ROBO2: variants seen among roughly 807,000 people sequenced by gnomAD.
The protein encoded by ROBO2 is roundabout homolog 2.
A neutral mutation model predicts 160.8 loss-of-function variants in ROBO2; 53 were observed. The observed-to-expected ratio is 0.33, with a 90% CI of 0.26 to 0.41. ROBO2 has a LOEUF of 0.41. ROBO2 is among the 10% of genes least tolerant of loss of function. ROBO2 has a pLI of 1.00. For missense variants in ROBO2, 1,577 were observed against 1,722.4 expected, an observed-to-expected ratio of 0.92 and a Z score of 1.49; for synonymous variants, 664 against 611.7, an observed-to-expected ratio of 1.09 and a Z score of -1.26.
chr3:76,938,014 A>T (rs1456706211), intron 2 of ROBO2, among the ~76,000 whole-genome samples: 1 of 152,196 alleles, frequency 6.6e-6, no homozygotes, highest in African/African-American at 2.4e-5. Context: ...TGGAAATATC[A>T]TGGAACTCAT....
intron 2 of ROBO2, among the ~76,000 whole-genome samples, chr3:76,108,355 A>G (rs538175621): frequency 2.6e-5 from 4 of 152,188 alleles, no homozygotes; most frequent in Admixed American, 2.6e-4. Flanking sequence ...TGGAATTCAA[A>G]TCTCACCAAT....
At chr3:77,539,830 G>A (rs1305301659) in intron 6 of ROBO2, among the ~76,000 whole-genome samples, 2 of 152,172 alleles carry the variant, frequency 1.3e-5, no homozygotes, top group Non-Finnish European at 2.9e-5. Flanking sequence ...AAATTGGAAA[G>A]AACACAAGAC....
intron 2 of ROBO2, among the ~76,000 whole-genome samples, chr3:76,552,417 A>G (rs1344118206): frequency 2.6e-5 from 4 of 152,214 alleles, no homozygotes; most frequent in Admixed American, 1.3e-4. Flanking sequence ...ATACACATGG[A>G]ATAATTCACA....
chr3:76,887,194 A>ATTTTTTTTTT, intron 2 of ROBO2, among the ~76,000 whole-genome samples: 1 of 76,568 alleles, frequency 1.3e-5, no homozygotes, highest in Non-Finnish European at 2.3e-5. Flanking sequence ...TTCAGGAAGC[A>ATTTTTTTTTT]TTTTTTTTTT....
intron 2 of ROBO2, among the ~76,000 whole-genome samples, chr3:76,033,019 A>G (rs2066977858): frequency 6.6e-6 from 1 of 152,186 alleles, no homozygotes; most frequent in African/African-American, 2.4e-5. Flanking sequence ...GACAGAAATA[A>G]GAGAAACCCA....
intron 2 of ROBO2, among the ~76,000 whole-genome samples, chr3:76,975,109 A>G (rs374549029): frequency 1.4e-4 from 21 of 152,302 alleles, no homozygotes; most frequent in African/African-American, 5.1e-4. Context: ...TGGAAAATAC[A>G]TCGTGCTTTA....
At chr3:76,135,604 A>G (rs539648331) in intron 2 of ROBO2, among the ~76,000 whole-genome samples, 6 of 152,248 alleles carry the variant, frequency 3.9e-5, no homozygotes, top group Middle Eastern at 3.4e-3. Flanking sequence ...CCCTAGAGGA[A>G]TCGGCCCATG....
chr3:76,535,040 T>C (rs2082419338), intron 2 of ROBO2, among the ~76,000 whole-genome samples: 1 of 151,632 alleles, frequency 6.6e-6, no homozygotes, highest in Admixed American at 6.6e-5. Context: ...TCTGGGTGAG[T>C]TGCTGGGACT....
At chr3:77,188,925 T>G (rs2081534624) in intron 2 of ROBO2, among the ~76,000 whole-genome samples, 1 of 143,510 alleles carries the variant, frequency 7.0e-6, no homozygotes, top group Non-Finnish European at 1.6e-5. Flanking sequence ...ATTTGAAACT[T>G]GAAGCCAGAT....
intron 2 of ROBO2, among the ~76,000 whole-genome samples, chr3:77,302,075 G>A (rs951388808): frequency 6.6e-6 from 1 of 151,344 alleles, no homozygotes; most frequent in African/African-American, 2.4e-5. Flanking sequence ...ACTAACTAAA[G>A]AACTTTTTTT....
chr3:76,093,875 A>G (rs1004964912), intron 2 of ROBO2, among the ~76,000 whole-genome samples: 1 of 152,168 alleles, frequency 6.6e-6, no homozygotes, highest in Admixed American at 6.5e-5. Flanking sequence ...AGTCTCTTTT[A>G]TAGACTTGGT....
At chr3:77,237,022 T>C (rs2088101167) in intron 2 of ROBO2, among the ~76,000 whole-genome samples, 1 of 151,966 alleles carries the variant, frequency 6.6e-6, no homozygotes, top group African/African-American at 2.4e-5. Flanking sequence ...TACAGGCACA[T>C]GCCACCATGC....
intron 2 of ROBO2, among the ~76,000 whole-genome samples, chr3:76,412,872 A>AC (rs2075566619): frequency 6.6e-6 from 1 of 152,136 alleles, no homozygotes; most frequent in Non-Finnish European, 1.5e-5. Flanking sequence ...GCTGCACTAG[A>AC]CAGTGCCCCA....
At chr3:75,977,700 G>A (rs370189665) in intron 2 of ROBO2, among the ~76,000 whole-genome samples, 1 of 151,462 alleles carries the variant, frequency 6.6e-6, no homozygotes, top group East Asian at 2.0e-4. Flanking sequence ...CTGCCATATT[G>A]ATACATACAC....
At chr3:76,254,946 C>G (rs1479614001) in intron 2 of ROBO2, among the ~76,000 whole-genome samples, 1 of 152,006 alleles carries the variant, frequency 6.6e-6, no homozygotes. Context: ...CTATAATTAT[C>G]TCAATAAACA....
intron 2 of ROBO2, among the ~76,000 whole-genome samples, chr3:77,425,185 G>T (rs1396483180): frequency 6.9e-6 from 1 of 145,338 alleles, no homozygotes; most frequent in Non-Finnish European, 1.5e-5. Flanking sequence ...TGTCAGGGAT[G>T]CAATGGCAAG....
At chr3:77,430,752 A>G (rs1230919653) in intron 2 of ROBO2, among the ~76,000 whole-genome samples, 2 of 152,160 alleles carry the variant, frequency 1.3e-5, no homozygotes, top group Non-Finnish European at 2.9e-5. Context: ...TCTAAGAAAT[A>G]AATTTCTGTT....
rs780055779 is a variant in ROBO2 at position 77,546,402 on chromosome 3, T to A, written c.999T>A (p.Phe333Leu). ...TTGCTCAAGGTCGAACAGTGACATT[T>A]CCCTGTGAAACTAAAGGAAACCCAC... Residue 333 changes from phenylalanine to leucine, a missense_variant, in exon 7 of 26, where the codon TTT (phenylalanine) becomes TTA (leucine). By Grantham distance (22) the Phe-to-Leu change is conservative. Around this residue, in one of 2 missense-constraint regions of ROBO2, gnomAD observed 940 missense variants for 1,135.5 expected, o/e 0.83. Transcript: ENST00000461745. The A allele has an allele frequency of 8.1e-6, 13 of 1,613,278 alleles. No individual in the cohort carries two copies. In the East Asian group the frequency reaches 2.9e-4, roughly 36 times the overall value.
intron 1 of ROBO2, among the ~76,000 whole-genome samples, chr3:77,087,642 G>C (rs959226501): frequency 1.3e-5 from 2 of 151,950 alleles, no homozygotes; most frequent in African/African-American, 4.8e-5. Context: ...GAAACCTTCA[G>C]ATTAGGAGTT....
Sources: allele counts gnomAD v4.1 joint callset (sites outside exome capture counted in the v4.1 genomes callset), GRCh38; gene constraint gnomAD v4.1.1; regional missense constraint gnomAD v4.1.1; transcripts MANE v1.5; gene names NCBI Gene and HGNC (gene_info 2026-07-23, HGNC 2026-07-21).